The following ANKS1A variants were observed in gnomAD, a reference collection of about 807,000 sequenced individuals.
ANKS1A encodes ankyrin repeat and SAM domain-containing protein 1A.
A neutral mutation model predicts 120.3 loss-of-function variants in ANKS1A; 55 were observed. The observed-to-expected ratio is 0.46, with a 90% CI of 0.37 to 0.57. The LOEUF (loss-of-function observed/expected upper bound fraction) is 0.57, where lower values mean the gene tolerates loss of function less well. Ranked by LOEUF, ANKS1A falls within the 20% of genes least tolerant of loss-of-function variation. The pLI is 0.00. For missense variants in ANKS1A, 1,123 were observed against 1,480.3 expected (o/e 0.76, Z 3.96); for synonymous variants, 590 against 604.7 (o/e 0.98, Z 0.36).
downstream of ANKS1A, among the ~76,000 whole-genome samples, chr6:35,093,143 C>T (rs553476506): frequency 1.4e-4 from 22 of 152,144 alleles, no homozygotes; most frequent in Non-Finnish European, 3.1e-4. Flanking sequence ...TCCCTTCCTC[C>T]GTGCAGCCTC....
Position 35,064,833 on chromosome 6 carries a change from T to C in ANKS1A, c.2184+4580T>C, listed in dbSNP as rs956720964. Among the ~76,000 whole-genome samples the C allele has an allele frequency of 3.5e-4, 51 of 147,676 alleles. 1 individual carries two copies. The highest frequency in any genetic ancestry group is 2.4e-3 in the Admixed American group (35 of 14,856). On this transcript the variant is annotated intron_variant, in intron 13 of 23. Transcript: ENST00000360359. ...TCCCATCTCCCTGCACAGCACTCCA[T>C]GAGCTGACTGCTGTCTTGGAGTTTT...
intron 1 of ANKS1A, among the ~76,000 whole-genome samples, chr6:34,959,476 A>G (rs999323310): frequency 1.3e-5 from 2 of 152,252 alleles, no homozygotes; most frequent in East Asian, 1.9e-4. Flanking sequence ...GGATTTCCCT[A>G]AAGGACTTAT....
Position 35,017,826 on chromosome 6 carries a change from GGT to G in ANKS1A, c.1779_1780del (p.Gly594CysfsTer2). ...TLTHTASPHPGGAEEGDRSGA... is the reference protein window; with the variant it reads ...TLTHTASPHPXGAEEGDRSGA... ...GACTCACACAGCATCTCCGCACCCT[GGT>G]GGTGCTGAGGAAGGAGACCGGAGTG... is the stretch of plus-strand genomic sequence containing the variant. On this transcript the variant is annotated frameshift_variant, in exon 11 of 24. Transcript: ENST00000360359. LOFTEE classifies it high-confidence loss of function. 1 of 1,614,190 alleles carries G rather than the reference GGT, an allele frequency of 6.2e-7. No homozygotes were observed. The highest frequency in any genetic ancestry group is 8.5e-7 in the Non-Finnish European group (1 of 1,180,020).
At chr6:34,911,106 T>A (rs1376661645) in intron 1 of ANKS1A, among the ~76,000 whole-genome samples, 1 of 152,170 alleles carries the variant, frequency 6.6e-6, no homozygotes, top group Non-Finnish European at 1.5e-5. Flanking sequence ...ATGGTAACTA[T>A]TTTTTTAAGC....
chr6:34,985,795 T>A (rs549751505), intron 8 of ANKS1A, among the ~76,000 whole-genome samples: 1 of 152,348 alleles, frequency 6.6e-6, no homozygotes, highest in African/African-American at 2.4e-5. Flanking sequence ...TATTAGTATG[T>A]GGCATTCCTA....
At chr6:35,072,719 G>C (rs1340755503) in intron 13 of ANKS1A, among the ~76,000 whole-genome samples, 1 of 152,208 alleles carries the variant, frequency 6.6e-6, no homozygotes, top group Non-Finnish European at 1.5e-5. Context: ...GTGGAGAAAA[G>C]GTGGCCAGGA....
intron 13 of ANKS1A, among the ~76,000 whole-genome samples, chr6:35,071,557 C>G (rs897174591): frequency 6.6e-6 from 1 of 152,042 alleles, no homozygotes. Context: ...ATGGCCTGAA[C>G]CTGTTTTTCA....
At chr6:34,924,131 T>TGTGTGTG (rs1561850542) in intron 1 of ANKS1A, among the ~76,000 whole-genome samples, 4 of 121,312 alleles carry the variant, frequency 3.3e-5, no homozygotes, top group African/African-American at 1.3e-4. Context: ...GTGTGTGTAT[T>TGTGTGTG]TTTCTTTTCC....
At chr6:34,938,991 AAAAC>A (rs1051497527) in intron 1 of ANKS1A, among the ~76,000 whole-genome samples, 1 of 152,236 alleles carries the variant, frequency 6.6e-6, no homozygotes, top group African/African-American at 2.4e-5. Flanking sequence ...CCATCTTGGA[AAAAC>A]AAACAAACAA....
intron 10 of ANKS1A, 135 bp from the exon 11 acceptor site, chr6:35,017,338 C>G (rs138587834): frequency 0.016 from 13,669 of 867,584 alleles, 133 homozygotes; most frequent in Non-Finnish European, 0.02. Flanking sequence ...TCCTCTCCCC[C>G]TCCCCAGCCT....
At chr6:34,946,517 G>T (rs879480741) in intron 1 of ANKS1A, among the ~76,000 whole-genome samples, 2 of 151,916 alleles carry the variant, frequency 1.3e-5, no homozygotes, top group Non-Finnish European at 2.9e-5. Context: ...GAACCCAGGA[G>T]GCGGAGATTG....
Position 35,083,551 on chromosome 6 carries a change from G to A in ANKS1A, c.2994+48G>A, listed in dbSNP as rs199741559. On this transcript the variant is annotated intron_variant, in intron 20 of 23. Coordinates refer to ENST00000360359, the MANE Select transcript of ANKS1A (RefSeq NM_015245.3). Reference sequence around the variant, plus strand: ...TGGTGGGAGTGGGACCCACATCCCCGTCAGACCCACAGGGCTCCAGGGCAA... The same window carrying A: ...TGGTGGGAGTGGGACCCACATCCCCATCAGACCCACAGGGCTCCAGGGCAA... 3.0e-4 allele frequency: 469 copies of A among 1,584,522 alleles called. 1 individual carries two copies. Among genetic ancestry groups the A allele is most frequent in the Admixed American group, 1.8e-3 (109 of 59,954 alleles).
intron 1 of ANKS1A, among the ~76,000 whole-genome samples, chr6:34,905,307 C>T (rs1767596206): frequency 6.6e-6 from 1 of 152,224 alleles, no homozygotes; most frequent in African/African-American, 2.4e-5. Context: ...TCAATGGGGC[C>T]AGCCGCCTGA....
intron 10 of ANKS1A, among the ~76,000 whole-genome samples, chr6:34,998,672 A>G (rs10807143): frequency 0.76 from 115,632 of 152,014 alleles, 45,858 homozygotes; most frequent in Non-Finnish European, 0.88. Context: ...ACCCTCTCAC[A>G]CGGACCCCCC....
chr6:35,025,445 CCGCTTGCTGGTCCCTTGCTGCCATCA>C (rs1409440977), intron 11 of ANKS1A, among the ~76,000 whole-genome samples: 1 of 151,798 alleles, frequency 6.6e-6, no homozygotes, highest in Non-Finnish European at 1.5e-5. Flanking sequence ...CCTCTCTCTC[CCGCTTGCTGGTCCCTTGCTGCCATCA>C]CGTCTCTAAC....
chr6:35,006,906 A>T (rs1773489412), intron 10 of ANKS1A, among the ~76,000 whole-genome samples: 1 of 152,238 alleles, frequency 6.6e-6, no homozygotes, highest in African/African-American at 2.4e-5. Flanking sequence ...GCTCTTAGGG[A>T]TGCAGAGACG....
chr6:34,909,586 G>A (rs1221911067), intron 1 of ANKS1A, among the ~76,000 whole-genome samples: 1 of 152,220 alleles, frequency 6.6e-6, no homozygotes, highest in East Asian at 1.9e-4. Context: ...TTTAATGAGT[G>A]CCTTGTTTGT....
At chr6:34,908,999 T>C (rs1767775538) in intron 1 of ANKS1A, among the ~76,000 whole-genome samples, 1 of 152,228 alleles carries the variant, frequency 6.6e-6, no homozygotes, top group Non-Finnish European at 1.5e-5. Context: ...ACCAATGTAT[T>C]CTTACCTACA....
chr6:35,076,263 A>G (rs1460710999), intron 13 of ANKS1A, among the ~76,000 whole-genome samples: 2 of 151,842 alleles, frequency 1.3e-5, no homozygotes, highest in Admixed American at 1.3e-4. Flanking sequence ...CTTTACTAAA[A>G]ATACAAAAAA....
Sources: gnomAD v4.1 joint callset for allele counts (sites outside exome capture counted in the v4.1 genomes callset) on GRCh38, gnomAD v4.1.1 for gene constraint, MANE v1.5 for transcripts, NCBI Gene and HGNC (gene_info 2026-07-23, HGNC 2026-07-21) for gene names.